Variants in DUSP10 observed in about 807,000 individuals in gnomAD.
DUSP10 encodes the protein dual specificity protein phosphatase 10.
A neutral mutation model predicts 30.8 loss-of-function variants in DUSP10; 14 were observed. That is an observed-to-expected ratio of 0.46 (90% CI 0.30 to 0.71). The LOEUF is 0.71. Ranked by LOEUF, DUSP10 falls within the 30% of genes least tolerant of loss-of-function variation. DUSP10 has a pLI of 0.08. For missense variants in DUSP10, 550 were observed against 619.4 expected, an observed-to-expected ratio of 0.89 and a Z score of 1.19; for synonymous variants, 254 against 250.4, an observed-to-expected ratio of 1.01 and a Z score of -0.14.
chr1:221,725,907 C>T (rs565475290), intron 2 of DUSP10, among the ~76,000 whole-genome samples: 1 of 152,154 alleles, frequency 6.6e-6, no homozygotes, highest in Non-Finnish European at 1.5e-5. Context: ...AATAAGGAGC[C>T]GTTGTTAGCC....
intron 2 of DUSP10, among the ~76,000 whole-genome samples, chr1:221,718,004 T>G (rs1275069716): frequency 6.6e-6 from 1 of 151,572 alleles, no homozygotes; most frequent in Admixed American, 6.6e-5. Flanking sequence ...CTAAAACTTG[T>G]GGGCTTCCTG....
intron 2 of DUSP10, among the ~76,000 whole-genome samples, chr1:221,733,198 G>A (rs1447285139): frequency 1.3e-5 from 2 of 152,214 alleles, no homozygotes; most frequent in Non-Finnish European, 2.9e-5. Flanking sequence ...TATGCACCAG[G>A]AGTATGTGAC....
intron 2 of DUSP10, among the ~76,000 whole-genome samples, chr1:221,716,759 G>A (rs942664986): frequency 2.0e-5 from 3 of 152,202 alleles, no homozygotes; most frequent in East Asian, 1.9e-4. Context: ...AAACTTGCAA[G>A]TTCAGTTTTC....
rs767852820 is a variant in DUSP10 at position 221,739,678 on chromosome 1, G to C, written c.67C>G (p.Leu23Val). The C allele has an allele frequency of 6.2e-7, 1 of 1,614,152 alleles. No individual in the cohort carries two copies. The highest frequency in any genetic ancestry group is 8.5e-7 in the Non-Finnish European group (1 of 1,180,028). The change falls in exon 2 of 4, where the codon CTC becomes GTC. Residue 23 changes from leucine (L) to valine (V), a missense_variant. Leu to Val is a conservative substitution (Grantham distance 32). Coordinates refer to ENST00000366899, the MANE Select transcript of DUSP10 (RefSeq NM_007207.6). Reference protein sequence around the residue: ...ALSRPVRPQDLNLCLDSSYLG... With the variant: ...ALSRPVRPQDVNLCLDSSYLG... ...TAACTAGAGTCTAAACAAAGGTTGA[G>C]ATCCTGAGGTCGGACGGGCCTAGAT...
At chr1:221,719,652 A>T (rs1381750572) in intron 2 of DUSP10, among the ~76,000 whole-genome samples, 1 of 152,236 alleles carries the variant, frequency 6.6e-6, no homozygotes, top group Non-Finnish European at 1.5e-5. Context: ...TGGGGCACGC[A>T]GAATGAAGCG....
intron 2 of DUSP10, among the ~76,000 whole-genome samples, chr1:221,736,354 G>A (rs764258423): frequency 6.6e-6 from 1 of 152,166 alleles, no homozygotes; most frequent in East Asian, 1.9e-4. Flanking sequence ...GCCTTTAGAA[G>A]TTTCCTCCTT....
chr1:221,735,333 C>CGAGT (rs1324661955), intron 2 of DUSP10, among the ~76,000 whole-genome samples: 3 of 152,196 alleles, frequency 2.0e-5, no homozygotes, highest in Non-Finnish European at 4.4e-5. Context: ...TGGAGCCCTC[C>CGAGT]TACTCCCAGG....
At chr1:221,726,718 A>C (rs1319637011) in intron 2 of DUSP10, among the ~76,000 whole-genome samples, 12 of 151,648 alleles carry the variant, frequency 7.9e-5, no homozygotes, top group Admixed American at 5.3e-4. Flanking sequence ...AAAAAAAAAA[A>C]ACCCTATGTA....
chr1:221,741,486 C>G (rs1661954014), intron 1 of DUSP10, among the ~76,000 whole-genome samples: 1 of 152,036 alleles, frequency 6.6e-6, no homozygotes, highest in Non-Finnish European at 1.5e-5. Context: ...ACATACTGCC[C>G]GTGAAACCAT....
In DUSP10 at chr1:221,739,439, G is replaced by T. The variant is rs776693283; in HGVS notation, c.306C>A (p.Thr102=). ...TGGTAGAGGTTCCGATGGCAGTGGT[G>T]GTGGTGCCAGCGGCAATGGCTTGGG... ...AQTQAIAAGT[T]TTAIGTSTTC... is the part of the protein sequence containing the mutation. The change falls in exon 2 of 4, where the codon ACC becomes ACA. Residue 102 remains threonine (T), a synonymous_variant. Transcript: ENST00000366899. 3 of 1,614,098 alleles carry T rather than the reference G, an allele frequency of 1.9e-6. No individual in the cohort carries two copies. Among genetic ancestry groups the T allele is most frequent in the South Asian group, 2.2e-5 (2 of 91,086 alleles).
intron 2 of DUSP10, among the ~76,000 whole-genome samples, chr1:221,730,696 C>G (rs191795658): frequency 1.4e-4 from 21 of 152,250 alleles, no homozygotes; most frequent in African/African-American, 4.6e-4. Flanking sequence ...AGTACTAGGC[C>G]TGCACAGCTC....
At chr1:221,724,855 C>G (rs1661380560) in intron 2 of DUSP10, among the ~76,000 whole-genome samples, 2 of 152,190 alleles carry the variant, frequency 1.3e-5, no homozygotes, top group East Asian at 3.8e-4. Context: ...AGAAACACTT[C>G]AACTTGGAGA....
intron 2 of DUSP10, among the ~76,000 whole-genome samples, chr1:221,712,939 A>G (rs950730991): frequency 2.0e-5 from 3 of 152,190 alleles, no homozygotes; most frequent in African/African-American, 7.2e-5. Flanking sequence ...GTAATGATTC[A>G]ATGATTTTGT....
intron 2 of DUSP10, among the ~76,000 whole-genome samples, chr1:221,720,389 A>G (rs7541733): frequency 0.18 from 27,610 of 152,236 alleles, 2,720 homozygotes; most frequent in African/African-American, 0.26. Flanking sequence ...TGAAGCCCCC[A>G]TAAACCCCAT....
At chr1:221,738,668 A>T (rs1661851378) in intron 2 of DUSP10, among the ~76,000 whole-genome samples, 1 of 152,240 alleles carries the variant, frequency 6.6e-6, no homozygotes, top group South Asian at 2.1e-4. Flanking sequence ...AAGATGAGAA[A>T]ACAGTCCCAG....
chr1:221,714,286 C>T lies in DUSP10; in HGVS notation c.812-7820G>A, dbSNP rs143562809. On this transcript the variant is annotated intron_variant, in intron 2 of 3. Coordinates refer to ENST00000366899, the MANE Select transcript of DUSP10 (RefSeq NM_007207.6). ...AGATAGTGAGGGTACAGAAGTCCTC[C>T]GTAACGTTTTCCTTTTAATGAAAAG... Among the ~76,000 whole-genome samples the T allele has an allele frequency of 7.3e-3, 1,110 of 152,198 alleles. 14 individuals are homozygous for T. The highest frequency in any genetic ancestry group is 0.026 in the African/African-American group (1,059 of 41,520).
chr1:221,741,542 C>T (rs1661955280), intron 1 of DUSP10, among the ~76,000 whole-genome samples: 1 of 152,150 alleles, frequency 6.6e-6, no homozygotes, highest in South Asian at 2.1e-4. Flanking sequence ...GAGCTATCCC[C>T]TCTCCCTTCC....
chr1:221,728,713 A>G (rs1661493761), intron 2 of DUSP10, among the ~76,000 whole-genome samples: 1 of 152,240 alleles, frequency 6.6e-6, no homozygotes, highest in South Asian at 2.1e-4. Flanking sequence ...TAATGAATAT[A>G]AAGCATAAAC....
intron 2 of DUSP10, among the ~76,000 whole-genome samples, chr1:221,731,972 T>A (rs557032771): frequency 6.6e-6 from 1 of 152,088 alleles, no homozygotes; most frequent in South Asian, 2.1e-4. Context: ...AGAACAAAAT[T>A]TCGTGAAGAT....
Sources: allele counts gnomAD v4.1 joint callset (sites outside exome capture counted in the v4.1 genomes callset), GRCh38; gene constraint gnomAD v4.1.1; transcripts MANE v1.5; gene names NCBI Gene and HGNC (gene_info 2026-07-23, HGNC 2026-07-21).